WDR17: variants seen among roughly 807,000 people sequenced by gnomAD.
The protein encoded by WDR17 is WD repeat-containing protein 17.
Under a neutral mutation model 161.7 loss-of-function variants are expected in WDR17, and 143 were observed. That is an observed-to-expected ratio of 0.88 (90% CI 0.77 to 1.02). The LOEUF is 1.02. WDR17 is among the 50% of genes least tolerant of loss of function. The pLI is 0.00. For synonymous variants in WDR17, 517 were observed against 515.6 expected (o/e 1.00, Z -0.04); for missense variants, 1,469 against 1,520.9 (o/e 0.97, Z 0.57).
At position 176,066,062 on chromosome 4, in the gene WDR17, A is replaced by C. The variant is rs1011030338; in HGVS notation, c.-24A>C. The C allele has an allele frequency of 1.3e-5, 2 of 152,396 alleles. No individual in the cohort carries two copies. Among genetic ancestry groups the C allele is most frequent in the African/African-American group, 4.8e-5 (2 of 41,440 alleles). 9.4% of individuals were successfully genotyped at this position (152,396 alleles called of 1,614,324 possible). On this transcript the variant is annotated 5_prime_UTR_variant, in exon 1 of 29. Coordinates refer to ENST00000508596, the MANE Select transcript of WDR17 (RefSeq NM_181265.4). ...AGCACCTTCCGCTGTCCGCCGCTGC[A>C]GCCGCCTCCTCCTCCAGGTAAGAAG...
chr4:176,155,545 G>GTTTTTTTT (rs869207103), intron 17 of WDR17, among the ~76,000 whole-genome samples: 7 of 105,246 alleles, frequency 6.7e-5, no homozygotes, highest in African/African-American at 1.2e-4. Flanking sequence ...ATTTGTTTGT[G>GTTTTTTTT]TTTTTTTTTT....
intron 11 of WDR17, among the ~76,000 whole-genome samples, chr4:176,142,932 T>G (rs1022190904): frequency 1.3e-5 from 2 of 152,120 alleles, no homozygotes; most frequent in African/African-American, 4.8e-5. Context: ...CAGGCTAGAG[T>G]GCAATGGCAT....
intron 1 of WDR17, among the ~76,000 whole-genome samples, chr4:176,100,461 T>A (rs1737637993): frequency 6.6e-6 from 1 of 152,054 alleles, no homozygotes; most frequent in Admixed American, 6.6e-5. Context: ...AGTTGTTTGG[T>A]TTCTTTGTAT....
chr4:176,066,919 C>A (rs1206002527), intron 1 of WDR17, among the ~76,000 whole-genome samples: 2 of 152,080 alleles, frequency 1.3e-5, no homozygotes, highest in Non-Finnish European at 2.9e-5. Context: ...ATTATAGTTG[C>A]CGTTCTTAGC....
At chr4:176,130,551 T>A (rs564978013) in intron 6 of WDR17, among the ~76,000 whole-genome samples, 3 of 151,912 alleles carry the variant, frequency 2.0e-5, no homozygotes, top group East Asian at 3.9e-4. Context: ...GAGACCATCC[T>A]GGCTAACACA....
rs775919648 is a variant in WDR17, at chr4:176,148,135, C to T, written c.1697C>T (p.Thr566Ile). ...GILCSGSDDG[T>I]VRIWDYTQDA... The stretch of plus-strand genomic sequence containing the variant: ...CACCCATAATATTCTGTTTTCAGTA[C>T]CGTTCGAATCTGGGATTATACTCAG... The change falls in exon 13 of 29, where the codon ACC becomes ATC. Residue 566 changes from threonine to isoleucine, a missense_variant and splice_region_variant. Thr to Ile is a moderately conservative substitution (Grantham distance 89). Coordinates refer to ENST00000508596, the MANE Select transcript of WDR17 (RefSeq NM_181265.4). The T allele has an allele frequency of 6.2e-7, 1 of 1,613,444 alleles. No homozygotes were observed. Among genetic ancestry groups the T allele is most frequent in the Non-Finnish European group, 8.5e-7 (1 of 1,179,684 alleles).
At chr4:176,142,543 CA>C (rs1321746347) in intron 11 of WDR17, among the ~76,000 whole-genome samples, 1 of 152,154 alleles carries the variant, frequency 6.6e-6, no homozygotes, top group Non-Finnish European at 1.5e-5. Flanking sequence ...TCTTGTTTGA[CA>C]GCCAAGTATT....
intron 8 of WDR17, among the ~76,000 whole-genome samples, chr4:176,135,676 T>C (rs1180294453): frequency 6.6e-6 from 1 of 151,668 alleles, no homozygotes; most frequent in East Asian, 1.9e-4. Context: ...TGTAATTCTG[T>C]ATTAACTCCA....
chr4:176,132,701 T>C (rs1391970113), intron 7 of WDR17, among the ~76,000 whole-genome samples: 3 of 152,136 alleles, frequency 2.0e-5, no homozygotes, highest in South Asian at 4.1e-4. Flanking sequence ...TTGAAGATGA[T>C]TTAATTTTCT....
At chr4:176,079,130 A>G (rs1734433277) in intron 1 of WDR17, among the ~76,000 whole-genome samples, 1 of 152,026 alleles carries the variant, frequency 6.6e-6, no homozygotes, top group Non-Finnish European at 1.5e-5. Context: ...TACAGTATTT[A>G]CCTTTCTGTT....
At chr4:176,175,684 A>C (rs2126893914) in intron 26 of WDR17, among the ~76,000 whole-genome samples, 1 of 147,674 alleles carries the variant, frequency 6.8e-6, no homozygotes, top group Middle Eastern at 3.4e-3. Flanking sequence ...CAGCCTCCCG[A>C]GTAGCTGGGA....
At chr4:176,083,944 C>T (rs1008868430) in intron 1 of WDR17, among the ~76,000 whole-genome samples, 1 of 152,086 alleles carries the variant, frequency 6.6e-6, no homozygotes, top group Non-Finnish European at 1.5e-5. Flanking sequence ...TGTTCATATG[C>T]TACTTAGTTA....
In WDR17 at chr4:176,145,934, TTTAA is replaced by T. The variant is rs568119450; in HGVS notation, c.1530-57_1530-54del. 7.6e-4 allele frequency: 1,106 copies of T among 1,447,944 alleles called. 9 individuals are homozygous for T. In the African/African-American group the frequency reaches 0.014, roughly 19 times the overall value. The allele number at this position is 1,447,944 out of a possible 1,614,324, so 89.7% of individuals were successfully genotyped here. A position where few individuals can be genotyped will look rare whatever the true frequency, so the allele number is the denominator to read the frequency against. ...TTAGAAATTAGAACTATGGTATACC[TTTAA>T]TTATTAGTTATATATCATATTTATC... On this transcript the variant is annotated intron_variant, in intron 11 of 28. Transcript: ENST00000508596.
intron 26 of WDR17, among the ~76,000 whole-genome samples, chr4:176,176,178 T>C (rs1262876384): frequency 1.3e-5 from 2 of 152,058 alleles, no homozygotes; most frequent in Non-Finnish European, 1.5e-5. Context: ...AAATTCTTAA[T>C]TAAGCATTAA....
intron 1 of WDR17, among the ~76,000 whole-genome samples, chr4:176,085,440 G>A (rs538540272): frequency 6.6e-5 from 10 of 152,146 alleles, no homozygotes; most frequent in East Asian, 3.9e-4. Flanking sequence ...ATCTGGGCCT[G>A]GAAGGTTGTG....
intron 4 of WDR17, among the ~76,000 whole-genome samples, chr4:176,121,062 C>T (rs1421956746): frequency 1.3e-5 from 2 of 152,094 alleles, no homozygotes; most frequent in East Asian, 3.9e-4. Context: ...GCTTCTTCCC[C>T]AGCTTCTCTC....
At chr4:176,137,457 T>A in intron 8 of WDR17, 63 bp from the exon 9 acceptor site, 3 of 1,380,856 alleles carry the variant, frequency 2.2e-6, no homozygotes, top group Non-Finnish European at 3.0e-6. Context: ...CAAGTTACAT[T>A]TTTTAAAAGA....
At chr4:176,142,199 A>C (rs1745386587) in intron 11 of WDR17, 130 bp downstream of exon 11, 1 of 542,784 alleles carries the variant, frequency 1.8e-6, no homozygotes, top group African/African-American at 1.9e-5. Context: ...TTGCCTAGCA[A>C]ATGAGAAACA....
At position 176,090,857 on chromosome 4, in the gene WDR17, G is replaced by T. The variant is rs149768582; in HGVS notation, c.-6-20718G>T. Among the ~76,000 whole-genome samples the T allele has an allele frequency of 7.6e-4, 115 of 152,316 alleles. 3 individuals are homozygous for T. The East Asian group carries it at 0.017, about 22-fold the overall frequency. On this transcript the variant is annotated intron_variant, in intron 1 of 28. Transcript: ENST00000508596. ...AGATTAACTAAAAGTATTCCTTACA[G>T]GAAACAAAGGGATGGGCTGAAATAA...
Sources: allele counts gnomAD v4.1 joint callset (sites outside exome capture counted in the v4.1 genomes callset), GRCh38; gene constraint gnomAD v4.1.1; transcripts MANE v1.5; gene names NCBI Gene and HGNC (gene_info 2026-07-23, HGNC 2026-07-21).